NCKAP5: variants seen among roughly 807,000 people sequenced by gnomAD.
The protein encoded by NCKAP5 is NCK associated protein 5, also known as nck-associated protein 5.
In NCKAP5, 92 loss-of-function variants were observed where a neutral mutation model predicts 167.0. The ratio of observed to expected loss-of-function variants is 0.55; its 90% CI spans 0.47 to 0.66. The LOEUF (loss-of-function observed/expected upper bound fraction) is 0.66, where lower values mean the gene tolerates loss of function less well. Among genes scored for constraint, NCKAP5 ranks in the 30% least tolerant of loss-of-function variants. NCKAP5 has a pLI of 0.00. For missense variants in NCKAP5, 2,378 were observed against 2,315.0 expected (o/e 1.03, Z -0.56); for synonymous variants, 891 against 877.4 (o/e 1.02, Z -0.27).
intron 2 of NCKAP5, among the ~76,000 whole-genome samples, chr2:133,522,985 C>T (rs1366366505): frequency 2.0e-5 from 3 of 152,138 alleles, no homozygotes; most frequent in South Asian, 4.1e-4. Flanking sequence ...ATTAAGCATC[C>T]TTTTATTGAC....
At chr2:133,637,016 T>C in the NCKAP5 span, among the ~76,000 whole-genome samples, 7 of 152,232 alleles carry the variant, frequency 4.6e-5, no homozygotes, top group South Asian at 1.5e-3. Context: ...AAATATTTTA[T>C]GGGATTTTTA....
intron 2 of NCKAP5, among the ~76,000 whole-genome samples, chr2:133,548,914 A>G (rs1687008804): frequency 6.6e-6 from 1 of 152,066 alleles, no homozygotes; most frequent in Non-Finnish European, 1.5e-5. Context: ...AAATGCTCCA[A>G]TTAAAAGACA....
At chr2:133,545,054 C>G (rs1686541407) in intron 2 of NCKAP5, among the ~76,000 whole-genome samples, 1 of 152,164 alleles carries the variant, frequency 6.6e-6, no homozygotes, top group Non-Finnish European at 1.5e-5. Context: ...CAGAACTCCC[C>G]TGGGTCCCTA....
At chr2:133,370,097 C>T (rs1685703195) in intron 3 of NCKAP5, among the ~76,000 whole-genome samples, 2 of 152,158 alleles carry the variant, frequency 1.3e-5, no homozygotes, top group African/African-American at 4.8e-5. Flanking sequence ...AAATTACAAT[C>T]CTATTAGTCA....
chr2:133,055,046 C>A (rs1257288738), intron 6 of NCKAP5, among the ~76,000 whole-genome samples: 2 of 152,072 alleles, frequency 1.3e-5, no homozygotes, highest in Admixed American at 6.6e-5. Flanking sequence ...CTTGACTCAA[C>A]CATTATAATT....
intron 11 of NCKAP5, among the ~76,000 whole-genome samples, chr2:132,798,367 A>T (rs1187864314): frequency 6.6e-6 from 1 of 152,194 alleles, no homozygotes; most frequent in Non-Finnish European, 1.5e-5. Context: ...ACTCACCCAT[A>T]TGTAAGTTTT....
intron 3 of NCKAP5, among the ~76,000 whole-genome samples, chr2:133,358,862 G>A (rs773742603): frequency 1.3e-5 from 2 of 152,184 alleles, no homozygotes; most frequent in Non-Finnish European, 2.9e-5. Flanking sequence ...TTAGCTTCAT[G>A]TGCTAATATT....
At chr2:133,662,316 C>T in the NCKAP5 span, among the ~76,000 whole-genome samples, 1 of 151,904 alleles carries the variant, frequency 6.6e-6, no homozygotes. Flanking sequence ...ATCGTTTGCC[C>T]AACTCTGTGG....
chr2:133,178,686 G>A (rs564637622), intron 5 of NCKAP5, among the ~76,000 whole-genome samples: 11 of 151,440 alleles, frequency 7.3e-5, no homozygotes, highest in South Asian at 6.3e-4. Flanking sequence ...TTAGCCAGGC[G>A]CGGTGGCGGG....
intron 4 of NCKAP5, among the ~76,000 whole-genome samples, chr2:133,272,611 T>G (rs1014498672): frequency 1.3e-5 from 2 of 152,160 alleles, no homozygotes; most frequent in African/African-American, 4.8e-5. Flanking sequence ...GAGATAAAAT[T>G]TACCCAAGTT....
chr2:132,774,768 C>A (rs1682400129), intron 15 of NCKAP5, among the ~76,000 whole-genome samples: 1 of 152,214 alleles, frequency 6.6e-6, no homozygotes, highest in South Asian at 2.1e-4. Flanking sequence ...ACATACTGGG[C>A]AGGTGCTGTT....
chr2:133,550,436 G>T (rs544008633), intron 2 of NCKAP5, among the ~76,000 whole-genome samples: 7 of 151,910 alleles, frequency 4.6e-5, no homozygotes, highest in Admixed American at 2.0e-4. Flanking sequence ...TGCAAGTCTG[G>T]TTCAATATAT....
chr2:133,132,140 T>G (rs967445136), intron 5 of NCKAP5, among the ~76,000 whole-genome samples: 6 of 151,836 alleles, frequency 4.0e-5, no homozygotes, highest in African/African-American at 1.5e-4. Context: ...ATAAAAAAAT[T>G]AGCCAGGTGT....
chr2:133,534,058 C>T (rs1233898171), intron 2 of NCKAP5, among the ~76,000 whole-genome samples: 5 of 152,146 alleles, frequency 3.3e-5, no homozygotes, highest in Non-Finnish European at 7.3e-5. Context: ...CTATACGTCA[C>T]ATTTTGCTGT....
At chr2:133,420,490 G>C (rs573436104) in intron 3 of NCKAP5, among the ~76,000 whole-genome samples, 26 of 152,294 alleles carry the variant, frequency 1.7e-4, no homozygotes, top group South Asian at 1.2e-3. Flanking sequence ...CTGGTTATGA[G>C]GTTTCTTTTT....
intron 3 of NCKAP5, among the ~76,000 whole-genome samples, chr2:133,440,493 A>G (rs6738949): frequency 0.1 from 15,549 of 151,826 alleles, 1,508 homozygotes; most frequent in East Asian, 0.25. Flanking sequence ...GGTGGATCAC[A>G]GGGTCAGGAG....
At chr2:133,017,376 A>G (rs1283812065) in intron 6 of NCKAP5, among the ~76,000 whole-genome samples, 1 of 152,232 alleles carries the variant, frequency 6.6e-6, no homozygotes, top group African/African-American at 2.4e-5. Context: ...AGGGTTTAGA[A>G]GTATAATATA....
At chr2:133,552,298 A>G (rs1304094422) in intron 2 of NCKAP5, among the ~76,000 whole-genome samples, 2 of 106,590 alleles carry the variant, frequency 1.9e-5, no homozygotes, top group African/African-American at 3.8e-5. Context: ...ATGCACACGT[A>G]TGTTTATTGC....
the NCKAP5 span, among the ~76,000 whole-genome samples, chr2:133,639,415 C>T: frequency 6.6e-5 from 10 of 152,278 alleles, no homozygotes; most frequent in Middle Eastern, 6.8e-3. Context: ...ATCATCAGTA[C>T]GGATCTCTAA....
Sources: gnomAD v4.1 joint callset for allele counts (sites outside exome capture counted in the v4.1 genomes callset) on GRCh38, gnomAD v4.1.1 for gene constraint, MANE v1.5 for transcripts, NCBI Gene and HGNC (gene_info 2026-07-23, HGNC 2026-07-21) for gene names.